The following HS6ST3 variants were observed in gnomAD, a reference collection of about 807,000 sequenced individuals.
HS6ST3 encodes heparan-sulfate 6-O-sulfotransferase 3.
In HS6ST3, 12 loss-of-function variants were observed where a neutral mutation model predicts 36.7. That is an observed-to-expected ratio of 0.33 (90% confidence interval 0.21 to 0.53). The LOEUF (loss-of-function observed/expected upper bound fraction) is 0.53. HS6ST3 is among the 20% of genes least tolerant of loss of function. The pLI, the probability that HS6ST3 is intolerant of heterozygous loss-of-function variation, is 0.95. For missense variants in HS6ST3, 584 were observed against 640.9 expected, an observed-to-expected ratio of 0.91 and a Z score of 0.96; for synonymous variants, 240 against 257.5, an observed-to-expected ratio of 0.93 and a Z score of 0.65.
intron 1 of HS6ST3, among the ~76,000 whole-genome samples, chr13:96,809,885 A>G (rs1222310688): frequency 6.6e-6 from 1 of 152,210 alleles, no homozygotes; most frequent in Non-Finnish European, 1.5e-5. Flanking sequence ...TGGGGCTCAC[A>G]TGAGGTTATG....
At chr13:96,124,540 T>C (rs2053941402) in intron 1 of HS6ST3, among the ~76,000 whole-genome samples, 2 of 152,220 alleles carry the variant, frequency 1.3e-5, no homozygotes, top group African/African-American at 4.8e-5. Flanking sequence ...GTAAACAACT[T>C]TGACCTGAAA....
At chr13:96,552,479 A>G (rs2056223024) in intron 1 of HS6ST3, among the ~76,000 whole-genome samples, 1 of 152,144 alleles carries the variant, frequency 6.6e-6, no homozygotes, top group African/African-American at 2.4e-5. Context: ...GCTAGAGTGG[A>G]AGGGTCAGAG....
At chr13:96,348,968 T>C (rs1048509174) in intron 1 of HS6ST3, among the ~76,000 whole-genome samples, 4 of 152,064 alleles carry the variant, frequency 2.6e-5, no homozygotes, top group Non-Finnish European at 5.9e-5. Context: ...GGGAAAGAGA[T>C]TTAAAAAGTT....
intron 1 of HS6ST3, among the ~76,000 whole-genome samples, chr13:96,139,905 A>T (rs1264973505): frequency 1.3e-5 from 2 of 152,122 alleles, no homozygotes; most frequent in Non-Finnish European, 2.9e-5. Flanking sequence ...TCCACAGTCT[A>T]CCCTTAAACA....
intron 1 of HS6ST3, among the ~76,000 whole-genome samples, chr13:96,706,962 AAT>A (rs2138457529): frequency 6.6e-6 from 1 of 152,292 alleles, no homozygotes; most frequent in South Asian, 2.1e-4. Context: ...AAAAAAAGGA[AAT>A]ATATATGTTT....
chr13:96,598,348 C>G (rs927071924), intron 1 of HS6ST3, among the ~76,000 whole-genome samples: 1 of 152,096 alleles, frequency 6.6e-6, no homozygotes, highest in East Asian at 1.9e-4. Flanking sequence ...TGAGTTCTTT[C>G]ATCAGTGTTT....
intron 1 of HS6ST3, among the ~76,000 whole-genome samples, chr13:96,160,560 A>G (rs142291405): frequency 1.2e-3 from 182 of 152,290 alleles, no homozygotes; most frequent in African/African-American, 4.2e-3. Context: ...GATTGATTTT[A>G]AGAAGAGTTG....
At position 96,702,750 on chromosome 13, in the gene HS6ST3, A is replaced by G. The variant is rs561793820; in HGVS notation, c.708-129740A>G. 2.6e-5 allele frequency among the ~76,000 whole-genome samples: 4 copies of G among 152,350 alleles called. No individual in the cohort carries two copies. The South Asian group carries it at 6.2e-4, about 24-fold the overall frequency. ...AGCCCACTGGATTTAAACCTCTTTA[A>G]GGAGCTCTTAAATATCTCACATAAA... On this transcript the variant is annotated intron_variant, in intron 1 of 1. Transcript: ENST00000376705.
At chr13:96,591,932 A>AT (rs1175692829) in intron 1 of HS6ST3, among the ~76,000 whole-genome samples, 1 of 152,062 alleles carries the variant, frequency 6.6e-6, no homozygotes, top group East Asian at 1.9e-4. Context: ...TACCAAATAC[A>AT]TTTTTAGCAT....
intron 1 of HS6ST3, among the ~76,000 whole-genome samples, chr13:96,474,013 T>G (rs1261133457): frequency 6.6e-6 from 1 of 152,206 alleles, no homozygotes; most frequent in Non-Finnish European, 1.5e-5. Flanking sequence ...CGCTTGGCTT[T>G]CCTGGGAACC....
At chr13:96,599,856 T>A (rs868300326) in intron 1 of HS6ST3, among the ~76,000 whole-genome samples, 19 of 152,166 alleles carry the variant, frequency 1.2e-4, no homozygotes, top group African/African-American at 3.9e-4. Flanking sequence ...TTTGAAAAAA[T>A]TTTCTAATTT....
chr13:96,615,757 A>C lies in HS6ST3; in HGVS notation c.708-216733A>C, dbSNP rs1035096278. Among the ~76,000 whole-genome samples the C allele has an allele frequency of 2.0e-5, 3 of 152,218 alleles. No homozygotes were observed. In the South Asian group the frequency reaches 6.2e-4, roughly 31 times the overall value. Reference sequence around the variant, plus strand: ...CTTGTGACACAAAGTGCATATGGACATGTTATCCTAGGCATTCTGCAAACA... The same window carrying C: ...CTTGTGACACAAAGTGCATATGGACCTGTTATCCTAGGCATTCTGCAAACA... On this transcript the variant is annotated intron_variant, in intron 1 of 1. Transcript: ENST00000376705.
At chr13:96,177,323 A>G (rs1370612149) in intron 1 of HS6ST3, among the ~76,000 whole-genome samples, 1 of 152,160 alleles carries the variant, frequency 6.6e-6, no homozygotes, top group Non-Finnish European at 1.5e-5. Context: ...CATGCACATA[A>G]ATGTTCATCA....
chr13:96,512,990 T>A (rs2056056801), intron 1 of HS6ST3, among the ~76,000 whole-genome samples: 2 of 152,040 alleles, frequency 1.3e-5, no homozygotes, highest in Admixed American at 1.3e-4. Context: ...TGTCATCCCT[T>A]GGTTCTTATA....
intron 1 of HS6ST3, among the ~76,000 whole-genome samples, chr13:96,307,133 T>C (rs1232625882): frequency 6.6e-6 from 1 of 152,178 alleles, no homozygotes; most frequent in Admixed American, 6.6e-5. Flanking sequence ...ATTCAGTTAG[T>C]CTAGGAAGTC....
At chr13:96,209,009 A>G (rs1001130570) in intron 1 of HS6ST3, among the ~76,000 whole-genome samples, 2 of 152,244 alleles carry the variant, frequency 1.3e-5, no homozygotes, top group African/African-American at 4.8e-5. Context: ...GAGTTTGTGC[A>G]CACTCCAAAG....
At chr13:96,651,959 A>G (rs572531993) in intron 1 of HS6ST3, among the ~76,000 whole-genome samples, 29 of 152,046 alleles carry the variant, frequency 1.9e-4, no homozygotes, top group Non-Finnish European at 3.8e-4. Flanking sequence ...TTGGCTCCCT[A>G]TGTTACAGTC....
At position 96,833,215 on chromosome 13, in the gene HS6ST3, C is replaced by T; in HGVS notation, c.*17C>T. On this transcript the variant is annotated 3_prime_UTR_variant, in exon 2 of 2. Coordinates refer to ENST00000376705, the MANE Select transcript of HS6ST3 (RefSeq NM_153456.4). Reference sequence around the variant, plus strand: ...AGATGGTGACCTCCTGCCCTCTCCTCTCTCAGGAGGGGGAGGGTGAGCAGG... The same window carrying T: ...AGATGGTGACCTCCTGCCCTCTCCTTTCTCAGGAGGGGGAGGGTGAGCAGG... 2.7e-6 allele frequency: 4 copies of T among 1,495,452 alleles called. No individual in the cohort carries two copies. The highest frequency in any genetic ancestry group is 1.4e-5 in the African/African-American group (1 of 71,888). The allele number at this position is 1,495,452 out of a possible 1,614,324, so 92.6% of individuals were successfully genotyped here. A position where few individuals can be genotyped will look rare whatever the true frequency, so the allele number is the denominator to read the frequency against.
intron 1 of HS6ST3, among the ~76,000 whole-genome samples, chr13:96,656,343 T>C (rs766354401): frequency 2.6e-5 from 4 of 152,188 alleles, no homozygotes; most frequent in Non-Finnish European, 5.9e-5. Flanking sequence ...CTTTACAAGA[T>C]TCCAGTTATG....
Sources: allele counts gnomAD v4.1 joint callset (sites outside exome capture counted in the v4.1 genomes callset), GRCh38; gene constraint gnomAD v4.1.1; transcripts MANE v1.5; gene names NCBI Gene and HGNC (gene_info 2026-07-23, HGNC 2026-07-21).